The following NAP1L4 variants were observed in gnomAD, a reference collection of about 807,000 sequenced individuals.
NAP1L4 encodes nucleosome assembly protein 1 like 4, also known as nucleosome assembly protein 1-like 4.
NAP1L4 carries 15 observed loss-of-function variants against 58.2 expected under a neutral mutation model. The ratio of observed to expected loss-of-function variants is 0.26; its 90% CI spans 0.17 to 0.40. The LOEUF (loss-of-function observed/expected upper bound fraction) is 0.40, where lower values mean the gene tolerates loss of function less well. Ranked by LOEUF, NAP1L4 falls within the 10% of genes least tolerant of loss-of-function variation. The pLI is 1.00. For missense variants in NAP1L4, 384 were observed against 451.1 expected (o/e 0.85, Z 1.35); for synonymous variants, 171 against 155.6 (o/e 1.10, Z -0.74).
chr11:2,953,093 A>G (rs1408023452), intron 12 of NAP1L4, among the ~76,000 whole-genome samples: 1 of 152,218 alleles, frequency 6.6e-6, no homozygotes, highest in Non-Finnish European at 1.5e-5. Flanking sequence ...TGGAGCTACT[A>G]AAGGGAGAAT....
At chr11:2,969,381 A>AC (rs1847499657) in intron 7 of NAP1L4, among the ~76,000 whole-genome samples, 2 of 147,180 alleles carry the variant, frequency 1.4e-5, no homozygotes, top group Non-Finnish European at 3.0e-5. Context: ...CACACACACA[A>AC]ACAAACACAC....
chr11:2,981,446 G>T (rs1307262997), intron 1 of NAP1L4, among the ~76,000 whole-genome samples: 1 of 86,004 alleles, frequency 1.2e-5, no homozygotes, highest in Non-Finnish European at 2.6e-5. Flanking sequence ...AAAAAAAAAA[G>T]GCAATAAACC....
At position 2,981,432 on chromosome 11, in the gene NAP1L4, A is replaced by C. The variant is rs1363521562; in HGVS notation, c.-17-2195T>G. Among the ~76,000 whole-genome samples the C allele has an allele frequency of 4.7e-5, 7 of 149,982 alleles. 1 individual carries two copies. The highest frequency in any genetic ancestry group is 6.9e-3 in the Middle Eastern group (2 of 290). On this transcript the variant is annotated intron_variant, in intron 1 of 15. Coordinates refer to ENST00000380542, the MANE Select transcript of NAP1L4 (RefSeq NM_005969.4). The stretch of plus-strand genomic sequence containing the variant: ...GTACCCTGTCTCAAAAAAAAAAAAA[A>C]AAAAAAAAAAAAAGGCAATAAACCC...
At chr11:2,991,058 C>T (rs1564995681) in intron 1 of NAP1L4, 1 of 455,972 alleles carries the variant, frequency 2.2e-6, no homozygotes, top group Non-Finnish European at 4.4e-6. Context: ...GGATGCGAAC[C>T]AAAGCACAGA....
chr11:2,959,809 G>T lies in NAP1L4; in HGVS notation c.707C>A (p.Pro236His), dbSNP rs752625341. The T allele has an allele frequency of 6.2e-7, 1 of 1,614,168 alleles. No individual in the cohort carries two copies. The highest frequency in any genetic ancestry group is 1.1e-5 in the South Asian group (1 of 91,078). The change falls in exon 9 of 16, where the codon CCC becomes CAC. Residue 236 changes from proline (P) to histidine (H), a missense_variant. Coordinates refer to ENST00000380542, the MANE Select transcript of NAP1L4 (RefSeq NM_005969.4). This position sits in a 1 kb window ranked among gnomAD's most constrained non-coding sequence, Gnocchi z 4.9. The part of the protein sequence containing the change: ...KMKSEPDKAD[P>H]FSFEGPEIVD... ...AATCTCAGGACCTTCAAAGGAAAAGGGATCAGCCTTATCTGGTTCTGATTT... is the reference window on the plus strand; with the variant it reads ...AATCTCAGGACCTTCAAAGGAAAAGTGATCAGCCTTATCTGGTTCTGATTT...
intron 4 of NAP1L4, among the ~76,000 whole-genome samples, chr11:2,974,237 C>T (rs550655354): frequency 2.2e-3 from 338 of 152,222 alleles, no homozygotes; most frequent in Non-Finnish European, 4.1e-3. Context: ...CCCATTAACT[C>T]GTCATTTAGA....
chr11:2,959,411 C>T lies in NAP1L4; in HGVS notation c.746+359G>A, dbSNP rs948163092. 4.6e-5 allele frequency among the ~76,000 whole-genome samples: 7 copies of T among 152,232 alleles called. No individual in the cohort carries two copies. The highest frequency in any genetic ancestry group is 1.7e-4 in the African/African-American group (7 of 41,454). On this transcript the variant is annotated intron_variant, in intron 9 of 15. Transcript: ENST00000380542. This position sits in a 1 kb window ranked among gnomAD's most constrained non-coding sequence, Gnocchi z 4.9. ...ATCAATATAGCCCTGGACTCAGACTCATTCATTCAATAAGTATTTATTTGC... is the reference window on the plus strand; with the variant it reads ...ATCAATATAGCCCTGGACTCAGACTTATTCATTCAATAAGTATTTATTTGC...
chr11:2,946,149 C>T lies in NAP1L4; in HGVS notation c.*33-503G>A, dbSNP rs770372908. Among the ~76,000 whole-genome samples the T allele has an allele frequency of 7.9e-5, 12 of 152,164 alleles. No individual in the cohort carries two copies. The highest frequency in any genetic ancestry group is 1.8e-4 in the Non-Finnish European group (12 of 68,022). ...ATCTCTCCTCTAGCGGGTTCCTGCT[C>T]TTTGTACTACCAGGGAGCGCCCCGG... On this transcript the variant is annotated intron_variant, in intron 15 of 15. Transcript: ENST00000380542. This position sits in a 1 kb window ranked among gnomAD's most constrained non-coding sequence, Gnocchi z 4.8.
chr11:2,954,354 T>G lies in NAP1L4; in HGVS notation c.1035+173A>C. Reference sequence around the variant, plus strand: ...TTTCCTGCTCTGTTCCTCAGACTTCTCCTCTTCAAGCGTATTCCCCCCACA... The same window carrying G: ...TTTCCTGCTCTGTTCCTCAGACTTCGCCTCTTCAAGCGTATTCCCCCCACA... On this transcript the variant is annotated intron_variant, in intron 12 of 15. Coordinates refer to ENST00000380542, the MANE Select transcript of NAP1L4 (RefSeq NM_005969.4). The surrounding 1 kb of genome is among the most constrained non-coding windows in gnomAD (Gnocchi z 4.8). The G allele has an allele frequency of 1.0e-6, 1 of 958,604 alleles. No homozygotes were observed. The highest frequency in any genetic ancestry group is 1.4e-5 in the South Asian group (1 of 70,830). 59.4% of individuals were successfully genotyped at this position (958,604 alleles called of 1,614,324 possible).
At chr11:2,963,098 C>CAAAAAAAAAAA (rs55650724) in intron 8 of NAP1L4, among the ~76,000 whole-genome samples, 2 of 97,088 alleles carry the variant, frequency 2.1e-5, no homozygotes, top group African/African-American at 4.0e-5. Context: ...GACTCGGTCT[C>CAAAAAAAAAAA]AAAAAAAAAA....
chr11:2,975,947 G>A (rs1847929104), intron 4 of NAP1L4, 77 bp downstream of exon 4: 1 of 1,237,714 alleles, frequency 8.1e-7, no homozygotes, highest in Admixed American at 2.1e-5. Context: ...CTGTTCTGGG[G>A]AACTGAAAAG....
At chr11:2,984,989 A>G (rs912613200) in intron 1 of NAP1L4, among the ~76,000 whole-genome samples, 3 of 151,386 alleles carry the variant, frequency 2.0e-5, no homozygotes, top group African/African-American at 2.4e-5. Flanking sequence ...ATGATCAGGT[A>G]TCTTGGGGAT....
rs1846082117 is a variant in NAP1L4, at chr11:2,948,973, A to G, written c.*32+254T>C. Among the ~76,000 whole-genome samples, 1 of 152,212 alleles carries G rather than the reference A, an allele frequency of 6.6e-6. No individual in the cohort carries two copies. The highest frequency in any genetic ancestry group is 6.5e-5 in the Admixed American group (1 of 15,286). ...CCTCTTACTGGAAAGCAGTACCATC[A>G]GCAATGAAAATTACACCCAAGTTAC... is the stretch of plus-strand genomic sequence containing the variant. On this transcript the variant is annotated intron_variant, in intron 15 of 15. Transcript: ENST00000380542. The surrounding 1 kb of genome is among the most constrained non-coding windows in gnomAD (Gnocchi z 5.1).
In NAP1L4 at chr11:2,959,507, A is replaced by G. The variant is rs1029159899; in HGVS notation, c.746+263T>C. On this transcript the variant is annotated intron_variant, in intron 9 of 15. Coordinates refer to ENST00000380542, the MANE Select transcript of NAP1L4 (RefSeq NM_005969.4). This position sits in a 1 kb window ranked among gnomAD's most constrained non-coding sequence, Gnocchi z 4.9. The stretch of plus-strand genomic sequence containing the variant: ...GTCTAGAGAATCCACTACTTTCATT[A>G]AAATGAAGAAACAGGGCACTATCCC... Among the ~76,000 whole-genome samples the G allele has an allele frequency of 6.6e-6, 1 of 152,252 alleles. No homozygotes were observed. Among genetic ancestry groups the G allele is most frequent in the Non-Finnish European group, 1.5e-5 (1 of 68,052 alleles).
chr11:2,987,608 T>C (rs1848712998), intron 1 of NAP1L4, among the ~76,000 whole-genome samples: 1 of 151,028 alleles, frequency 6.6e-6, no homozygotes, highest in South Asian at 2.1e-4. Context: ...GATACAAAAA[T>C]TACCCAGGCG....
intron 1 of NAP1L4, chr11:2,989,833 C>A (rs1219175437): frequency 6.6e-6 from 1 of 152,192 alleles, no homozygotes; most frequent in Non-Finnish European, 1.5e-5. Flanking sequence ...AGGTACTTAA[C>A]CTCCATACAA....
At chr11:2,981,068 AAAAC>A (rs200839553) in intron 1 of NAP1L4, among the ~76,000 whole-genome samples, 2,384 of 151,942 alleles carry the variant, frequency 0.016, 66 homozygotes, top group African/African-American at 0.054. Flanking sequence ...CGTCTCTACA[AAAAC>A]AAACAAACAA....
rs1000895051 is a variant in NAP1L4, at chr11:2,959,555, G to C, written c.746+215C>G. On this transcript the variant is annotated intron_variant, in intron 9 of 15. Transcript: ENST00000380542. The surrounding 1 kb of genome is among the most constrained non-coding windows in gnomAD (Gnocchi z 4.9). ...CCCAAAGGCTTGCATGTGCAACCAC[G>C]TGACTCATTTCCCAGGTTCAGCCGC... Among the ~76,000 whole-genome samples the C allele has an allele frequency of 6.6e-6, 1 of 152,198 alleles. No homozygotes were observed. Among genetic ancestry groups the C allele is most frequent in the Non-Finnish European group, 1.5e-5 (1 of 68,040 alleles).
chr11:2,990,297 T>C (rs147267131), intron 1 of NAP1L4: 122 of 152,280 alleles, frequency 8.0e-4, no homozygotes, highest in African/African-American at 2.7e-3. Context: ...GGCCCTGAAA[T>C]TCTAGTAAAA....
Sources: gnomAD v4.1 joint callset for allele counts (sites outside exome capture counted in the v4.1 genomes callset) on GRCh38, gnomAD v4.1.1 for gene constraint, Gnocchi (gnomAD v3.1) non-coding constraint, MANE v1.5 for transcripts, NCBI Gene and HGNC (gene_info 2026-07-23, HGNC 2026-07-21) for gene names.